ADGRL4: variants seen among roughly 807,000 people sequenced by gnomAD.
ADGRL4 encodes the protein EGF, latrophilin and seven transmembrane domain containing 1.
A neutral mutation model predicts 74.8 loss-of-function variants in ADGRL4; 90 were observed. The ratio of observed to expected loss-of-function variants is 1.20; its 90% CI spans 1.02 to 1.43. ADGRL4 has a LOEUF of 1.43. ADGRL4 is among the 40% of genes most tolerant of loss of function. The probability of loss-of-function intolerance (pLI) is 0.00; values close to 1 mark genes in which losing one functional copy is unlikely to be tolerated. For missense variants in ADGRL4, 881 were observed against 814.3 expected, an observed-to-expected ratio of 1.08 and a Z score of -1.00; for synonymous variants, 311 against 279.2, an observed-to-expected ratio of 1.11 and a Z score of -1.14.
chr1:78,939,197 A>T lies in ADGRL4; in HGVS notation c.387T>A (p.Thr129=). The change falls in exon 4 of 15, where the codon ACT becomes ACA. Residue 129 remains threonine, a synonymous_variant. Transcript: ENST00000370742. ...NVCIAANINK[T]LTKIRSIKEP... ...TAACTGTTCTACTTACTTTTGTTAAAGTTTTATTAATATTTGCAGCTATAC... is the reference window on the plus strand; with the variant it reads ...TAACTGTTCTACTTACTTTTGTTAATGTTTTATTAATATTTGCAGCTATAC... The T allele has an allele frequency of 6.4e-7, 1 of 1,560,612 alleles. No individual in the cohort carries two copies. The highest frequency in any genetic ancestry group is 8.6e-7 in the Non-Finnish European group (1 of 1,158,442).
intron 8 of ADGRL4, among the ~76,000 whole-genome samples, chr1:78,922,782 G>A (rs937389495): frequency 6.6e-6 from 1 of 151,766 alleles, no homozygotes; most frequent in Non-Finnish European, 1.5e-5. Context: ...ACTGATAGAT[G>A]GAGTAATATA....
chr1:78,962,481 A>G (rs1401739057), intron 2 of ADGRL4, among the ~76,000 whole-genome samples: 3 of 152,018 alleles, frequency 2.0e-5, no homozygotes, highest in African/African-American at 4.8e-5. Context: ...TGTTCTTTCT[A>G]TCCACACGAT....
At chr1:78,914,942 A>C (rs1017887154) in intron 12 of ADGRL4, among the ~76,000 whole-genome samples, 5 of 151,824 alleles carry the variant, frequency 3.3e-5, no homozygotes, top group African/African-American at 1.2e-4. Flanking sequence ...GACAGTCTTC[A>C]CTTTGATGGT....
intron 2 of ADGRL4, among the ~76,000 whole-genome samples, chr1:78,982,942 A>T (rs1650425247): frequency 6.6e-6 from 1 of 151,976 alleles, no homozygotes; most frequent in East Asian, 1.9e-4. Flanking sequence ...GATGGCCCTT[A>T]AAAGGGTCCT....
chr1:78,941,427 TAAAC>T (rs1293991401), intron 3 of ADGRL4, among the ~76,000 whole-genome samples: 2 of 152,188 alleles, frequency 1.3e-5, no homozygotes, highest in Non-Finnish European at 2.9e-5. Context: ...TGAAGTATCA[TAAAC>T]AACACCAAAA....
chr1:78,937,694 T>C lies in ADGRL4; in HGVS notation c.760+113A>G, dbSNP rs563754626. 9.9e-6 allele frequency: 9 copies of C among 911,690 alleles called. No homozygotes were observed. In the East Asian group the frequency reaches 1.9e-4, roughly 20 times the overall value. The allele number at this position is 911,690 out of a possible 1,614,324, so 56.5% of individuals were successfully genotyped here. On this transcript the variant is annotated intron_variant, in intron 6 of 14. Coordinates refer to ENST00000370742, the MANE Select transcript of ADGRL4 (RefSeq NM_022159.4). ...TTCATTTGTACACTGATAAAACTAC[T>C]TTCAATGTAATCAATACTAGTTTCA...
intron 12 of ADGRL4, among the ~76,000 whole-genome samples, chr1:78,907,417 T>TA (rs1219958947): frequency 6.6e-6 from 1 of 152,058 alleles, no homozygotes; most frequent in East Asian, 1.9e-4. Context: ...TTCTACATGC[T>TA]AACCCCTAAA....
At chr1:78,998,629 G>A (rs111691099) in intron 2 of ADGRL4, among the ~76,000 whole-genome samples, 5,653 of 152,194 alleles carry the variant, frequency 0.037, 115 homozygotes, top group South Asian at 0.055. Context: ...GCTTAGCAAA[G>A]TGCTGGGATT....
intron 6 of ADGRL4, among the ~76,000 whole-genome samples, chr1:78,937,015 T>C (rs1649368177): frequency 1.3e-5 from 2 of 152,212 alleles, no homozygotes; most frequent in Non-Finnish European, 2.9e-5. Flanking sequence ...AGAAAAAGTT[T>C]ATAGGGATCC....
chr1:78,922,378 G>A (rs78374133), intron 8 of ADGRL4, among the ~76,000 whole-genome samples: 23,757 of 151,920 alleles, frequency 0.16, 2,045 homozygotes, highest in Middle Eastern at 0.21. Flanking sequence ...AAGTGAGGCT[G>A]ACCAGAGGCA....
At chr1:78,961,921 C>T (rs1313338636) in intron 2 of ADGRL4, among the ~76,000 whole-genome samples, 3 of 150,218 alleles carry the variant, frequency 2.0e-5, no homozygotes, top group Non-Finnish European at 4.4e-5. Context: ...GCTCCTATTG[C>T]CCAGGCTGGA....
intron 2 of ADGRL4, among the ~76,000 whole-genome samples, chr1:78,977,950 A>C (rs1650320996): frequency 6.6e-6 from 1 of 151,906 alleles, no homozygotes; most frequent in African/African-American, 2.4e-5. Context: ...GTAAACAAGA[A>C]ATTAACAAAT....
At position 78,926,999 on chromosome 1, in the gene ADGRL4, T is replaced by C; in HGVS notation, c.970A>G (p.Asn324Asp). The C allele has an allele frequency of 6.2e-7, 1 of 1,611,456 alleles. No homozygotes were observed. Among genetic ancestry groups the C allele is most frequent in the Non-Finnish European group, 8.5e-7 (1 of 1,178,232 alleles). ...NFLLKPQNYD[N>D]SEEEERVISS... The stretch of plus-strand genomic sequence containing the variant: ...ATGACTCTTTCCTCCTCTTCAGAAT[T>C]ATCATAATTTTGAGGTTTCAATAAG... The change falls in exon 8 of 15, where the codon AAT becomes GAT. Residue 324 changes from asparagine (N) to aspartate (D), a missense_variant. Coordinates refer to ENST00000370742, the MANE Select transcript of ADGRL4 (RefSeq NM_022159.4).
chr1:79,005,087 C>G lies in ADGRL4; in HGVS notation c.155G>C (p.Gly52Ala), dbSNP rs1557527960. The G allele has an allele frequency of 4.3e-6, 7 of 1,612,126 alleles. No homozygotes were observed. The highest frequency in any genetic ancestry group is 5.9e-6 in the Non-Finnish European group (7 of 1,179,296). The stretch of plus-strand genomic sequence containing the variant: ...TTGTTTACCTTCACAAATTGTGACA[C>G]CATTTCCTGAAAATCCCATGTTGCA... ...CYCNMGFSGN[G>A]VTICEDDNEC... The change falls in exon 2 of 15, where the codon GGT (glycine) becomes GCT (alanine). Residue 52 changes from glycine (G) to alanine (A), a missense_variant. By Grantham distance (60) the Gly-to-Ala change is moderately conservative. Coordinates refer to ENST00000370742, the MANE Select transcript of ADGRL4 (RefSeq NM_022159.4).
At chr1:78,945,685 A>G (rs1287895524) in intron 3 of ADGRL4, among the ~76,000 whole-genome samples, 2 of 152,138 alleles carry the variant, frequency 1.3e-5, no homozygotes, top group Admixed American at 1.3e-4. Context: ...AATCACTTAA[A>G]AATTACATTG....
intron 7 of ADGRL4, among the ~76,000 whole-genome samples, chr1:78,934,265 T>C (rs1033877692): frequency 9.2e-5 from 14 of 152,164 alleles, no homozygotes; most frequent in African/African-American, 2.7e-4. Context: ...TACAACCATC[T>C]GATCTTCAAC....
intron 12 of ADGRL4, among the ~76,000 whole-genome samples, chr1:78,904,100 AT>A (rs1648579342): frequency 6.6e-6 from 1 of 151,906 alleles, no homozygotes; most frequent in African/African-American, 2.4e-5. Context: ...AAATAGAATA[AT>A]GGCACCAAAT....
chr1:78,891,466 T>A, intron 14 of ADGRL4, 58 bp downstream of exon 14: 2 of 1,523,586 alleles, frequency 1.3e-6, no homozygotes, highest in Non-Finnish European at 1.8e-6. Flanking sequence ...TTTCTATCAA[T>A]TTGGCAACTG....
chr1:78,990,098 C>T (rs907904131), intron 2 of ADGRL4, among the ~76,000 whole-genome samples: 1 of 151,914 alleles, frequency 6.6e-6, no homozygotes, highest in Admixed American at 6.6e-5. Flanking sequence ...AGCTGAGGAT[C>T]CTTTTTACCT....
Sources: gnomAD v4.1 joint callset for allele counts (sites outside exome capture counted in the v4.1 genomes callset) on GRCh38, gnomAD v4.1.1 for gene constraint, MANE v1.5 for transcripts, NCBI Gene and HGNC (gene_info 2026-07-23, HGNC 2026-07-21) for gene names.